Variants in GLIS3 observed in about 807,000 individuals in gnomAD.
GLIS3 encodes the protein zinc finger protein GLIS3.
GLIS3 carries 53 observed loss-of-function variants against 78.6 expected under a neutral mutation model. That is an observed-to-expected ratio of 0.67 (90% CI 0.54 to 0.85). The LOEUF (loss-of-function observed/expected upper bound fraction) is 0.85. GLIS3 is among the 40% of genes least tolerant of loss of function. GLIS3 has a pLI of 0.00. For missense variants in GLIS3, 1,703 were observed against 1,231.1 expected (o/e 1.38, Z -5.74); for synonymous variants, 684 against 509.9 (o/e 1.34, Z -4.60).
intron 4 of GLIS3, among the ~76,000 whole-genome samples, chr9:4,012,503 A>G (rs531238904): frequency 5.9e-5 from 9 of 152,322 alleles, no homozygotes; most frequent in East Asian, 1.9e-4. Flanking sequence ...AATTTTGTAA[A>G]GGACACTGGG....
At chr9:4,426,080 G>A in the GLIS3 span, among the ~76,000 whole-genome samples, 2 of 152,116 alleles carry the variant, frequency 1.3e-5, no homozygotes, top group Non-Finnish European at 2.9e-5. Context: ...AATTTCCTGA[G>A]GTGCCAAGCG....
the GLIS3 span, among the ~76,000 whole-genome samples, chr9:4,357,656 G>A: frequency 1.3e-4 from 20 of 151,990 alleles, no homozygotes; most frequent in Non-Finnish European, 2.9e-5. Flanking sequence ...ATTGACTCAC[G>A]TGAACATCAT....
At chr9:4,371,276 G>A in the GLIS3 span, among the ~76,000 whole-genome samples, 2 of 152,282 alleles carry the variant, frequency 1.3e-5, no homozygotes, top group South Asian at 2.1e-4. Context: ...AGGCATTTAA[G>A]TAACCATAGT....
At chr9:4,026,191 G>A (rs1823329071) in intron 4 of GLIS3, among the ~76,000 whole-genome samples, 1 of 152,162 alleles carries the variant, frequency 6.6e-6, no homozygotes, top group South Asian at 2.1e-4. Flanking sequence ...ACACTCCAGT[G>A]GCTATCTCAG....
chr9:3,966,514 G>C (rs7046582), intron 4 of GLIS3, among the ~76,000 whole-genome samples: 34,104 of 151,122 alleles, frequency 0.23, 4,293 homozygotes, highest in East Asian at 0.48. Flanking sequence ...TACCTCTTTA[G>C]GCCAGGCGCG....
intron 2 of GLIS3, among the ~76,000 whole-genome samples, chr9:4,283,429 C>CT (rs1827732880): frequency 6.6e-6 from 1 of 152,092 alleles, no homozygotes; most frequent in Non-Finnish European, 1.5e-5. Flanking sequence ...CCACACCCGG[C>CT]TCATTTTTGT....
At chr9:3,832,401 C>G (rs576632774) in intron 9 of GLIS3, among the ~76,000 whole-genome samples, 1 of 152,248 alleles carries the variant, frequency 6.6e-6, no homozygotes, top group East Asian at 1.9e-4. Flanking sequence ...GGCATACCCG[C>G]TGTTCCTAGG....
chr9:4,193,919 T>C (rs1042211695), intron 2 of GLIS3, among the ~76,000 whole-genome samples: 4 of 152,244 alleles, frequency 2.6e-5, no homozygotes, highest in Non-Finnish European at 4.4e-5. Flanking sequence ...TGACCAATCA[T>C]GTGGTAAGCG....
chr9:4,406,464 G>T, the GLIS3 span, among the ~76,000 whole-genome samples: 15,362 of 152,156 alleles, frequency 0.1, 986 homozygotes, highest in South Asian at 0.18. Context: ...GGGTTTACAG[G>T]CACCCACCAC....
intron 2 of GLIS3, among the ~76,000 whole-genome samples, chr9:4,267,708 A>G (rs571318627): frequency 4.1e-4 from 62 of 152,308 alleles, no homozygotes; most frequent in Admixed American, 1.5e-3. Flanking sequence ...AAACAACGAT[A>G]AGAAGAAAGG....
intron 2 of GLIS3, among the ~76,000 whole-genome samples, chr9:4,277,948 C>G (rs1827179821): frequency 6.6e-6 from 1 of 152,142 alleles, no homozygotes; most frequent in Admixed American, 6.5e-5. Context: ...CCAACTGCAC[C>G]CTGTCCTGCC....
At chr9:4,128,031 G>A (rs1056325104) in intron 2 of GLIS3, among the ~76,000 whole-genome samples, 1 of 152,178 alleles carries the variant, frequency 6.6e-6, no homozygotes, top group African/African-American at 2.4e-5. Flanking sequence ...ACTAGTGCAT[G>A]ATGTCCAGAT....
chr9:4,482,820 A>G, the GLIS3 span, among the ~76,000 whole-genome samples: 3 of 152,244 alleles, frequency 2.0e-5, no homozygotes, highest in Non-Finnish European at 2.9e-5. Flanking sequence ...AGGAAATACC[A>G]GAATCACTTA....
chr9:4,031,159 G>C (rs947040347), intron 4 of GLIS3, among the ~76,000 whole-genome samples: 3 of 152,054 alleles, frequency 2.0e-5, no homozygotes, highest in Non-Finnish European at 4.4e-5. Flanking sequence ...ATACCCAAAA[G>C]AATTGAAAAT....
chr9:4,162,793 C>G (rs1455432486), intron 2 of GLIS3, among the ~76,000 whole-genome samples: 3 of 141,962 alleles, frequency 2.1e-5, no homozygotes, highest in Admixed American at 1.5e-4. Context: ...GGAGGCGGAG[C>G]TTGCAGTGAG....
intron 2 of GLIS3, among the ~76,000 whole-genome samples, chr9:4,233,609 T>C (rs561120477): frequency 3.9e-5 from 6 of 152,298 alleles, no homozygotes; most frequent in Non-Finnish European, 8.8e-5. Context: ...ACAGGCAGAA[T>C]AGATTAGCAT....
chr9:4,010,366 A>T (rs1036661589), intron 4 of GLIS3, among the ~76,000 whole-genome samples: 6 of 152,138 alleles, frequency 3.9e-5, no homozygotes, highest in Non-Finnish European at 7.4e-5. Flanking sequence ...TGCAAATATT[A>T]ATTTATTTCC....
rs181114369 is a variant in GLIS3 at position 4,089,077 on chromosome 9, G to C, written c.1710+28691C>G. The stretch of plus-strand genomic sequence containing the variant: ...GCTTTAAAACAAACTGTAAATGTTT[G>C]CTTTACTTTTATTTTTTATGAACTA... On this transcript the variant is annotated intron_variant, in intron 4 of 10. Coordinates refer to ENST00000381971, the MANE Select transcript of GLIS3 (RefSeq NM_001042413.2). Among the ~76,000 whole-genome samples the C allele has an allele frequency of 1.4e-4, 21 of 152,320 alleles. No individual in the cohort carries two copies. In the East Asian group the frequency reaches 3.3e-3, roughly 24 times the overall value.
rs1831371426 is a variant in GLIS3, at chr9:4,113,209, T to C, written c.1710+4559A>G. Among the ~76,000 whole-genome samples the C allele has an allele frequency of 2.6e-5, 4 of 152,164 alleles. No homozygotes were observed. In the South Asian group the frequency reaches 6.2e-4, roughly 24 times the overall value. ...CGTATTTTAATTTTAAACTCCTTTA[T>C]AGTATTTCATTAGGAATAAGCCACG... On this transcript the variant is annotated intron_variant, in intron 4 of 10. Coordinates refer to ENST00000381971, the MANE Select transcript of GLIS3 (RefSeq NM_001042413.2).
Sources: gnomAD v4.1 joint callset for allele counts (sites outside exome capture counted in the v4.1 genomes callset) on GRCh38, gnomAD v4.1.1 for gene constraint, MANE v1.5 for transcripts, NCBI Gene and HGNC (gene_info 2026-07-23, HGNC 2026-07-21) for gene names.